Variants in TET1 observed in about 807,000 individuals in gnomAD.
The protein encoded by TET1 is tet methylcytosine dioxygenase 1, also known as methylcytosine dioxygenase TET1.
A neutral mutation model predicts 148.7 loss-of-function variants in TET1; 13 were observed. That is an observed-to-expected ratio of 0.09 (90% CI 0.06 to 0.14). The LOEUF (loss-of-function observed/expected upper bound fraction) is 0.14, where lower values mean the gene tolerates loss of function less well. Ranked by LOEUF, TET1 falls within the 10% of genes least tolerant of loss-of-function variation. The pLI is 1.00. For synonymous variants in TET1, 907 were observed against 937.2 expected, an observed-to-expected ratio of 0.97 and a Z score of 0.59; for missense variants, 2,182 against 2,553.8, an observed-to-expected ratio of 0.85 and a Z score of 3.14.
At chr10:68,673,579 T>C in intron 8 of TET1, 1 of 176,364 alleles carries the variant, frequency 5.7e-6, no homozygotes, top group Non-Finnish European at 1.2e-5. Flanking sequence ...TAAGTATAAC[T>C]CCACACCTTT....
At chr10:68,597,102 C>T (rs1275356630) in intron 2 of TET1, among the ~76,000 whole-genome samples, 1 of 140,424 alleles carries the variant, frequency 7.1e-6, no homozygotes, top group Non-Finnish European at 1.5e-5. Context: ...GGCACGATCT[C>T]GGCTCACTGC....
chr10:68,689,314 T>C (rs2055559227), intron 11 of TET1, among the ~76,000 whole-genome samples: 1 of 152,220 alleles, frequency 6.6e-6, no homozygotes, highest in Non-Finnish European at 1.5e-5. Context: ...ATATTATCAA[T>C]TTATTATATT....
At chr10:68,660,737 T>TG (rs745364448) in intron 6 of TET1, among the ~76,000 whole-genome samples, 2 of 151,888 alleles carry the variant, frequency 1.3e-5, no homozygotes, top group Non-Finnish European at 2.9e-5. Context: ...CTCAGCCCAC[T>TG]GAAACCTCTG....
At position 68,644,769 on chromosome 10, in the gene TET1, G is replaced by A; in HGVS notation, c.2040G>A (p.Gly680=). The A allele has an allele frequency of 6.2e-7, 1 of 1,613,182 alleles. No homozygotes were observed. The highest frequency in any genetic ancestry group is 1.3e-5 in the African/African-American group (1 of 74,944). ...ESMDYSRCGH[G]EEQKLELNPH... ...TGGACTACAGTAGATGTGGTCATGG[G>A]GAAGAACAAAAATTGGAATTGAACC... The change falls in exon 4 of 12, where the codon GGG becomes GGA. Residue 680 remains glycine (G), a synonymous_variant. Transcript: ENST00000373644.
rs1322547157 is a variant in TET1 at position 68,646,248 on chromosome 10, G to A, written c.3519G>A (p.Arg1173=). 3 of 1,614,076 alleles carry A rather than the reference G, an allele frequency of 1.9e-6. No homozygotes were observed. Among genetic ancestry groups the A allele is most frequent in the Non-Finnish European group, 2.5e-6 (3 of 1,180,026 alleles). The change falls in exon 4 of 12, where the codon CGG becomes CGA. Residue 1173 remains arginine (R), a synonymous_variant. Coordinates refer to ENST00000373644, the MANE Select transcript of TET1 (RefSeq NM_030625.3). ...PTVVSYQEND[R]QKWEKLSYMY... is the part of the protein sequence containing the mutation. ...TTGTAAGTTATCAAGAAAATGATCG[G>A]CAGAAGTGGGAAAAGTTGTCCTATA...
chr10:68,596,329 T>C (rs568142600), intron 2 of TET1, among the ~76,000 whole-genome samples: 3 of 152,260 alleles, frequency 2.0e-5, no homozygotes, highest in South Asian at 2.1e-4. Flanking sequence ...TCAAATTCTA[T>C]ATATTTTCAT....
chr10:68,605,764 T>C (rs1490017115), intron 3 of TET1, among the ~76,000 whole-genome samples: 1 of 152,188 alleles, frequency 6.6e-6, no homozygotes, highest in Admixed American at 6.5e-5. Flanking sequence ...ATCTGCCCAC[T>C]GCAGCCTCCC....
chr10:68,574,463 A>T (rs1480959166), intron 2 of TET1, among the ~76,000 whole-genome samples: 1 of 152,186 alleles, frequency 6.6e-6, no homozygotes, highest in Admixed American at 6.6e-5. Context: ...TGCCTTAGCT[A>T]GCTTATTTTT....
chr10:68,640,991 T>C (rs1017523372), intron 3 of TET1, among the ~76,000 whole-genome samples: 4 of 151,540 alleles, frequency 2.6e-5, no homozygotes, highest in Middle Eastern at 3.4e-3. Flanking sequence ...TTAGTGTCCA[T>C]AGTCTTATTG....
chr10:68,567,287 AG>A (rs1221355373), intron 1 of TET1, among the ~76,000 whole-genome samples: 1 of 152,152 alleles, frequency 6.6e-6, no homozygotes. Flanking sequence ...ATTCAAACCC[AG>A]GACTTTTTGG....
chr10:68,621,389 GC>G (rs1359597734), intron 3 of TET1, among the ~76,000 whole-genome samples: 1 of 152,030 alleles, frequency 6.6e-6, no homozygotes, highest in Non-Finnish European at 1.5e-5. Flanking sequence ...TTTGAGACTA[GC>G]CTGGGCAACG....
chr10:68,651,344 C>T (rs1476266252), intron 4 of TET1, among the ~76,000 whole-genome samples: 4 of 151,940 alleles, frequency 2.6e-5, no homozygotes, highest in Non-Finnish European at 5.9e-5. Flanking sequence ...GTCCCAGCTA[C>T]TTGGGAGGCT....
rs974739340 is a variant in TET1 at position 68,565,473 on chromosome 10, A to T, written c.-123+4731A>T. Among the ~76,000 whole-genome samples, 23 of 51,510 alleles carry T rather than the reference A, an allele frequency of 4.5e-4. 1 individual carries two copies. Among genetic ancestry groups the T allele is most frequent in the South Asian group, 3.2e-3 (4 of 1,260 alleles). The allele number at this position is 51,510 out of a possible 152,430, so 33.8% of individuals were successfully genotyped here. ...AGAGCAAGACCCTGTTTAAAAAAAA[A>T]AAATATATATATATATATATATATA... On this transcript the variant is annotated intron_variant, in intron 1 of 11. Coordinates refer to ENST00000373644, the MANE Select transcript of TET1 (RefSeq NM_030625.3).
At chr10:68,640,550 T>C in intron 3 of TET1, among the ~76,000 whole-genome samples, 1 of 91,362 alleles carries the variant, frequency 1.1e-5, no homozygotes, top group Non-Finnish European at 2.2e-5. Context: ...CTTTCTTTTT[T>C]TTTTTTTTTT....
chr10:68,649,897 A>C (rs1293199611), intron 4 of TET1, among the ~76,000 whole-genome samples: 1 of 152,202 alleles, frequency 6.6e-6, no homozygotes, highest in Non-Finnish European at 1.5e-5. Flanking sequence ...TTAGTAAATC[A>C]TTACATGTAA....
At chr10:68,579,932 CTTTTTTTTTTTTT>C (rs2053773216) in intron 2 of TET1, among the ~76,000 whole-genome samples, 1 of 144,558 alleles carries the variant, frequency 6.9e-6, no homozygotes, top group Non-Finnish European at 1.5e-5. Flanking sequence ...CTTCCTTCTT[CTTTTTTTTTTTTT>C]CAGATAGAAT....
intron 2 of TET1, among the ~76,000 whole-genome samples, chr10:68,598,048 A>G (rs1305149096): frequency 1.3e-5 from 2 of 152,172 alleles, no homozygotes; most frequent in East Asian, 3.9e-4. Context: ...TGATAGTTGC[A>G]TAGCAGTTGT....
chr10:68,588,726 C>T (rs1219449782), intron 2 of TET1, among the ~76,000 whole-genome samples: 2 of 152,020 alleles, frequency 1.3e-5, no homozygotes, highest in African/African-American at 4.8e-5. Context: ...GTCAATTCTA[C>T]TGCTGCTATA....
chr10:68,584,082 C>T (rs991077494), intron 2 of TET1, among the ~76,000 whole-genome samples: 23 of 151,208 alleles, frequency 1.5e-4, no homozygotes, highest in African/African-American at 5.3e-4. Context: ...CTTTGTCGCC[C>T]AGGCTAGAAT....
Sources: allele counts gnomAD v4.1 joint callset (sites outside exome capture counted in the v4.1 genomes callset), GRCh38; gene constraint gnomAD v4.1.1; transcripts MANE v1.5; gene names NCBI Gene and HGNC (gene_info 2026-07-23, HGNC 2026-07-21).